Variants in NME7 observed in about 807,000 individuals in gnomAD.
NME7 encodes NME/NM23 family member 7.
Under a neutral mutation model 49.1 loss-of-function variants are expected in NME7, and 41 were observed. The observed-to-expected ratio is 0.83, with a 90% CI of 0.65 to 1.08. The LOEUF (loss-of-function observed/expected upper bound fraction) is 1.08, where lower values mean the gene tolerates loss of function less well. NME7 is among the 50% of genes least tolerant of loss of function. NME7 has a pLI of 0.00. For synonymous variants in NME7, 139 were observed against 150.6 expected (o/e 0.92, Z 0.56); for missense variants, 423 against 463.4 (o/e 0.91, Z 0.80).
At chr1:169,305,458 A>C (rs1356373520) in intron 4 of NME7, among the ~76,000 whole-genome samples, 1 of 152,234 alleles carries the variant, frequency 6.6e-6, no homozygotes, top group Non-Finnish European at 1.5e-5. Context: ...CATTTGAACA[A>C]ACAATTTTAG....
At chr1:169,145,770 A>C (rs1178405596) in intron 11 of NME7, among the ~76,000 whole-genome samples, 1 of 152,228 alleles carries the variant, frequency 6.6e-6, no homozygotes, top group African/African-American at 2.4e-5. Context: ...AAGAAATAGA[A>C]TTATGGAGGA....
In NME7 at chr1:169,315,886, AT is replaced by A. The variant is rs992846615; in HGVS notation, c.279-5807del. On this transcript the variant is annotated intron_variant, in intron 3 of 11. Coordinates refer to ENST00000367811, the MANE Select transcript of NME7 (RefSeq NM_013330.5). ...GAAATTTATACCCTTAATTGCATAT[AT>A]TAAAAATATTAAAAATTGATAGAAT... Among the ~76,000 whole-genome samples, 300 of 152,194 alleles carry A rather than the reference AT, an allele frequency of 2.0e-3. 4 individuals carry two copies. The highest frequency in any genetic ancestry group is 7.0e-3 in the African/African-American group (291 of 41,564).
At chr1:169,298,091 T>C (rs1324792205) in intron 6 of NME7, among the ~76,000 whole-genome samples, 4 of 152,202 alleles carry the variant, frequency 2.6e-5, no homozygotes, top group Non-Finnish European at 4.4e-5. Context: ...GCTTTATTTA[T>C]ATGGATTTAA....
chr1:169,366,318 C>A (rs947143181), intron 1 of NME7, among the ~76,000 whole-genome samples: 8 of 152,188 alleles, frequency 5.3e-5, no homozygotes, highest in Non-Finnish European at 1.0e-4. Flanking sequence ...TAAGCAAGAA[C>A]AACTTTCTTG....
intron 7 of NME7, chr1:169,284,886 C>T (rs1204336900): frequency 6.6e-6 from 1 of 152,064 alleles, no homozygotes; most frequent in Non-Finnish European, 1.5e-5. Context: ...TTATTTCACT[C>T]TCCTTGCAAC....
chr1:169,250,483 G>C (rs1411884105), intron 7 of NME7, among the ~76,000 whole-genome samples: 1 of 151,918 alleles, frequency 6.6e-6, no homozygotes, highest in Non-Finnish European at 1.5e-5. Context: ...ATTTAGATCT[G>C]CTCTGATCTT....
intron 1 of NME7, among the ~76,000 whole-genome samples, chr1:169,338,312 T>C (rs982736145): frequency 1.3e-5 from 2 of 152,242 alleles, no homozygotes; most frequent in Non-Finnish European, 1.5e-5. Context: ...GAATGCATTG[T>C]TTTTGTGTTT....
At chr1:169,213,830 A>AATAT (rs113770115) in intron 10 of NME7, among the ~76,000 whole-genome samples, 163 of 149,174 alleles carry the variant, frequency 1.1e-3, no homozygotes, top group African/African-American at 3.1e-3. Flanking sequence ...TAAATAAATA[A>AATAT]ATATATATAT....
chr1:169,337,594 C>A (rs1652531053), intron 1 of NME7, among the ~76,000 whole-genome samples: 1 of 152,180 alleles, frequency 6.6e-6, no homozygotes. Flanking sequence ...GAGGAGGTGC[C>A]AAGAGCGACT....
chr1:169,175,470 C>T (rs1303354400), intron 10 of NME7, among the ~76,000 whole-genome samples: 2 of 152,046 alleles, frequency 1.3e-5, no homozygotes, highest in Non-Finnish European at 2.9e-5. Context: ...ATGTACTATA[C>T]ATAATTTTAT....
chr1:169,175,235 T>C (rs941509758), intron 10 of NME7, among the ~76,000 whole-genome samples: 1 of 152,064 alleles, frequency 6.6e-6, no homozygotes, highest in African/African-American at 2.4e-5. Flanking sequence ...CACCTCCATA[T>C]CTTGTCCCAC....
intron 3 of NME7, among the ~76,000 whole-genome samples, chr1:169,318,067 C>T (rs889200755): frequency 7.9e-5 from 12 of 152,166 alleles, no homozygotes; most frequent in African/African-American, 2.9e-4. Flanking sequence ...CTCTCTAGTG[C>T]TCTCTCTCCT....
chr1:169,318,937 T>C (rs1304123765), intron 3 of NME7, among the ~76,000 whole-genome samples: 2 of 152,034 alleles, frequency 1.3e-5, no homozygotes, highest in Non-Finnish European at 2.9e-5. Context: ...GACAGAATAA[T>C]AATTTTTAAA....
chr1:169,192,634 C>G (rs1660266595), intron 10 of NME7, among the ~76,000 whole-genome samples: 1 of 152,024 alleles, frequency 6.6e-6, no homozygotes, highest in South Asian at 2.1e-4. Context: ...AATACTCAAC[C>G]CTCCTTTGCA....
intron 7 of NME7, among the ~76,000 whole-genome samples, chr1:169,242,745 A>G (rs1252530237): frequency 6.6e-6 from 1 of 151,138 alleles, no homozygotes; most frequent in Non-Finnish European, 1.5e-5. Flanking sequence ...TAAACATACT[A>G]GATCAGTTGT....
chr1:169,322,956 T>C (rs1257950590), intron 3 of NME7, among the ~76,000 whole-genome samples, 161 bp downstream of exon 3: 1 of 152,116 alleles, frequency 6.6e-6, no homozygotes, highest in African/African-American at 2.4e-5. Context: ...AACTATGGTA[T>C]TATCAATTTT....
In NME7 at chr1:169,132,697, C is replaced by T. The variant is rs1138486; in HGVS notation, c.*88G>A. ...CTTGTATTCAGTCAGGTTAAAACAA[C>T]GGACAATAAAAGAATGAACACATTC... On this transcript the variant is annotated 3_prime_UTR_variant, in exon 12 of 12. Coordinates refer to ENST00000367811, the MANE Select transcript of NME7 (RefSeq NM_013330.5). The T allele has an allele frequency of 0.1, 131,284 of 1,264,786 alleles. 16,621 individuals carry two copies. Among genetic ancestry groups the T allele is most frequent in the East Asian group, 0.7 (29,726 of 42,512 alleles). 78.3% of individuals were successfully genotyped at this position (1,264,786 alleles called of 1,614,324 possible).
At chr1:169,293,583 C>T (rs191065830) in intron 6 of NME7, among the ~76,000 whole-genome samples, 2 of 152,226 alleles carry the variant, frequency 1.3e-5, no homozygotes, top group East Asian at 1.9e-4. Flanking sequence ...GTTTTTCCTA[C>T]TAAAGCTTTA....
chr1:169,331,518 GGAA>G (rs1557825422), intron 1 of NME7, among the ~76,000 whole-genome samples: 1 of 152,016 alleles, frequency 6.6e-6, no homozygotes, highest in East Asian at 1.9e-4. Context: ...AAATTGAAAA[GGAA>G]GAAGTCAAAT....
Sources: gnomAD v4.1 joint callset for allele counts (sites outside exome capture counted in the v4.1 genomes callset) on GRCh38, gnomAD v4.1.1 for gene constraint, MANE v1.5 for transcripts, NCBI Gene and HGNC (gene_info 2026-07-23, HGNC 2026-07-21) for gene names.